The following SYN2 variants were observed in gnomAD, a reference collection of about 807,000 sequenced individuals.
SYN2 encodes synapsin-2.
Under a neutral mutation model 50.9 loss-of-function variants are expected in SYN2, and 19 were observed. The observed-to-expected ratio is 0.37, with a 90% CI of 0.26 to 0.55. The LOEUF (loss-of-function observed/expected upper bound fraction) is 0.55. Ranked by LOEUF, SYN2 falls within the 20% of genes least tolerant of loss-of-function variation. The pLI is 0.81. For synonymous variants in SYN2, 255 were observed against 224.9 expected (o/e 1.13, Z -1.20); for missense variants, 587 against 576.4 (o/e 1.02, Z -0.19).
intron 1 of SYN2, among the ~76,000 whole-genome samples, chr3:12,139,363 C>CA (rs1422920264): frequency 6.6e-6 from 1 of 152,156 alleles, no homozygotes; most frequent in East Asian, 1.9e-4. Flanking sequence ...ATGCGGCACA[C>CA]ACAGGGCAAG....
chr3:12,170,018 G>A, intron 10 of SYN2, 112 bp downstream of exon 10: 1 of 1,302,790 alleles, frequency 7.7e-7, no homozygotes, highest in Non-Finnish European at 1.0e-6. Context: ...AGGCCTAAAT[G>A]GGATCTAAGG....
chr3:12,185,355 T>A (rs1216010561), intron 11 of SYN2: 21 of 985,656 alleles, frequency 2.1e-5, no homozygotes, highest in Non-Finnish European at 2.4e-5. Flanking sequence ...TCATGTGTCA[T>A]TTGTGAGCCA....
intron 1 of SYN2, among the ~76,000 whole-genome samples, chr3:12,033,718 C>T (rs9822753): frequency 0.072 from 10,945 of 152,212 alleles, 728 homozygotes; most frequent in African/African-American, 0.18. Flanking sequence ...CTTCTGTTTC[C>T]GTGGACTTGC....
At chr3:12,182,533 G>A (rs1698246892) in intron 10 of SYN2, among the ~76,000 whole-genome samples, 1 of 152,218 alleles carries the variant, frequency 6.6e-6, no homozygotes, top group African/African-American at 2.4e-5. Context: ...GAGCCATGCT[G>A]TTGGGTTAAG....
At chr3:12,015,954 A>G (rs1694021536) in intron 1 of SYN2, among the ~76,000 whole-genome samples, 1 of 152,176 alleles carries the variant, frequency 6.6e-6, no homozygotes, top group Non-Finnish European at 1.5e-5. Flanking sequence ...ACTTCGTACA[A>G]TAATTTCAGC....
intron 1 of SYN2, among the ~76,000 whole-genome samples, chr3:12,079,872 A>G (rs1396230894): frequency 2.0e-5 from 3 of 152,044 alleles, no homozygotes; most frequent in Admixed American, 6.6e-5. Flanking sequence ...GTTTCAGAAG[A>G]AAGGGTATCA....
Position 12,156,770 on chromosome 3 carries a change from C to T in SYN2, c.775-4776C>T, listed in dbSNP as rs1469497637. 5 of 1,495,066 alleles carry T rather than the reference C, an allele frequency of 3.3e-6. No individual in the cohort carries two copies. The African/African-American group carries it at 6.9e-5, about 21-fold the overall frequency. The allele number at this position is 1,495,066 out of a possible 1,614,324, so 92.6% of individuals were successfully genotyped here. A position where few individuals can be genotyped will look rare whatever the true frequency, so the allele number is the denominator to read the frequency against. On this transcript the variant is annotated intron_variant, in intron 5 of 12. Transcript: ENST00000621198. ...CCTGGCTCCTTTCTCACTACCTCCC[C>T]TAGGGCAGAATCTATTATATTAAGG...
chr3:12,148,039 G>A (rs1393849567), intron 4 of SYN2, among the ~76,000 whole-genome samples: 6 of 152,214 alleles, frequency 3.9e-5, no homozygotes, highest in South Asian at 2.1e-4. Context: ...GCGTGAACCC[G>A]GGAGGCGGAG....
In SYN2 at chr3:12,168,206, G is replaced by A. The variant is rs531400873; in HGVS notation, c.1056-170G>A. ...AAAAATGGGTAGAATCTGGAAAACAGATAGAGGAGGGCACTGTAAATAAGG... is the reference window on the plus strand; with the variant it reads ...AAAAATGGGTAGAATCTGGAAAACAAATAGAGGAGGGCACTGTAAATAAGG... On this transcript the variant is annotated intron_variant, in intron 8 of 12. Transcript: ENST00000621198. 2.6e-5 allele frequency among the ~76,000 whole-genome samples: 4 copies of A among 152,300 alleles called. No homozygotes were observed. In the South Asian group the frequency reaches 8.3e-4, roughly 32 times the overall value.
chr3:12,085,367 A>ACGCACG (rs1559413764), intron 1 of SYN2, among the ~76,000 whole-genome samples: 3 of 139,184 alleles, frequency 2.2e-5, no homozygotes, highest in Admixed American at 1.4e-4. Flanking sequence ...ACACACACAC[A>ACGCACG]CACACACACA....
intron 1 of SYN2, among the ~76,000 whole-genome samples, chr3:12,121,300 C>T (rs1029253864): frequency 3.3e-5 from 5 of 152,226 alleles, no homozygotes; most frequent in African/African-American, 9.6e-5. Flanking sequence ...ATTCCTAGAA[C>T]ATCTGTGCCT....
At chr3:12,119,140 T>A (rs1344331587) in intron 1 of SYN2, among the ~76,000 whole-genome samples, 3 of 152,198 alleles carry the variant, frequency 2.0e-5, no homozygotes, top group African/African-American at 7.2e-5. Flanking sequence ...TTTTAATAGA[T>A]CTGCCTATCT....
chr3:12,162,175 T>G, intron 7 of SYN2, 21 bp downstream of exon 7: 1 of 1,612,664 alleles, frequency 6.2e-7, no homozygotes, highest in Non-Finnish European at 8.5e-7. Context: ...GTGGGGTATG[T>G]TTTCTCCTCA....
chr3:12,088,863 GA>G (rs1340149802), intron 1 of SYN2, among the ~76,000 whole-genome samples: 1 of 152,176 alleles, frequency 6.6e-6, no homozygotes, highest in East Asian at 1.9e-4. Flanking sequence ...GTAGAATGAT[GA>G]CTAGGGGAAG....
rs747575630 is a variant in SYN2, at chr3:12,168,422, G to A, written c.1102G>A (p.Asp368Asn). Reference sequence around the variant, plus strand: ...CTGCTCTGAGATGTTTGGCGGCCTGGACATCTGTGCTGTCAAAGCTGTACA... The same window carrying A: ...CTGCTCTGAGATGTTTGGCGGCCTGAACATCTGTGCTGTCAAAGCTGTACA... ...DTCSEMFGGL[D>N]ICAVKAVHGK... The change falls in exon 9 of 13, where the codon GAC becomes AAC. Residue 368 changes from aspartate to asparagine, a missense_variant. Asp to Asn is a conservative substitution (Grantham distance 23). Transcript: ENST00000621198. 7 of 1,613,988 alleles carry A rather than the reference G, an allele frequency of 4.3e-6. No individual in the cohort carries two copies. In the South Asian group the frequency reaches 7.7e-5, roughly 18 times the overall value.
chr3:12,024,682 T>C (rs994494544), intron 1 of SYN2, among the ~76,000 whole-genome samples: 5 of 152,226 alleles, frequency 3.3e-5, no homozygotes, highest in African/African-American at 1.2e-4. Context: ...TTATGCATTC[T>C]GCTATAATGG....
At chr3:12,153,693 A>G (rs1260371179) in intron 5 of SYN2, 1 of 1,614,218 alleles carries the variant, frequency 6.2e-7, no homozygotes, top group Admixed American at 1.7e-5. Context: ...GGTACAGGGT[A>G]CTGTGTAGCA....
intron 1 of SYN2, among the ~76,000 whole-genome samples, chr3:12,104,805 G>A (rs1229200435): frequency 2.0e-5 from 3 of 151,884 alleles, no homozygotes; most frequent in Admixed American, 6.6e-5. Context: ...CTGACCTCAG[G>A]TGATCTACCC....
chr3:12,006,231 T>C (rs928307208), intron 1 of SYN2, among the ~76,000 whole-genome samples: 6 of 152,212 alleles, frequency 3.9e-5, no homozygotes, highest in African/African-American at 7.2e-5. Context: ...TGGCTGCTAA[T>C]GTCACCATTC....
Sources: gnomAD v4.1 joint callset for allele counts (sites outside exome capture counted in the v4.1 genomes callset) on GRCh38, gnomAD v4.1.1 for gene constraint, MANE v1.5 for transcripts, NCBI Gene and HGNC (gene_info 2026-07-23, HGNC 2026-07-21) for gene names.